CPQ: variants seen among roughly 807,000 people sequenced by gnomAD.
CPQ encodes the protein carboxypeptidase Q.
A neutral mutation model predicts 45.7 loss-of-function variants in CPQ; 37 were observed. That is an observed-to-expected ratio of 0.81 (90% CI 0.62 to 1.07). CPQ has a LOEUF of 1.07. Ranked by LOEUF, CPQ falls within the 50% of genes least tolerant of loss-of-function variation. The pLI is 0.00. For missense variants in CPQ, 537 were observed against 572.9 expected, an observed-to-expected ratio of 0.94 and a Z score of 0.64; for synonymous variants, 186 against 205.8, an observed-to-expected ratio of 0.90 and a Z score of 0.82.
chr8:96,784,814 T>G, intron 1 of CPQ, 50 bp from the exon 2 acceptor site: 1 of 1,350,448 alleles, frequency 7.4e-7, no homozygotes, highest in Non-Finnish European at 1.0e-6. Flanking sequence ...TATGGGCAGA[T>G]AGCTGTGAGA....
At chr8:96,900,584 C>A (rs1371674041) in intron 4 of CPQ, among the ~76,000 whole-genome samples, 1 of 152,178 alleles carries the variant, frequency 6.6e-6, no homozygotes, top group Non-Finnish European at 1.5e-5. Context: ...TCTATTTCCT[C>A]ATGTAGCCAT....
intron 3 of CPQ, among the ~76,000 whole-genome samples, chr8:96,845,257 C>T (rs183443109): frequency 6.6e-6 from 1 of 152,244 alleles, no homozygotes; most frequent in East Asian, 1.9e-4. Context: ...ATCTACCTAC[C>T]TACCTATCTA....
intron 7 of CPQ, 39 bp downstream of exon 7, chr8:97,066,249 C>A: frequency 6.4e-7 from 1 of 1,559,644 alleles, no homozygotes; most frequent in Non-Finnish European, 8.7e-7. Context: ...TTATATATTG[C>A]CAACAATTTA....
chr8:96,657,240 G>A (rs1458397416), intron 1 of CPQ, among the ~76,000 whole-genome samples: 2 of 152,038 alleles, frequency 1.3e-5, no homozygotes, highest in Non-Finnish European at 2.9e-5. Flanking sequence ...AGCTACTCAG[G>A]AGGCTGAGGC....
At chr8:96,688,504 C>T (rs1336581394) in intron 1 of CPQ, among the ~76,000 whole-genome samples, 1 of 152,078 alleles carries the variant, frequency 6.6e-6, no homozygotes, top group Non-Finnish European at 1.5e-5. Flanking sequence ...TGGACTATTT[C>T]TGCTTTGTGG....
chr8:96,992,136 TTTC>T (rs1809105421), intron 5 of CPQ, among the ~76,000 whole-genome samples: 1 of 152,184 alleles, frequency 6.6e-6, no homozygotes, highest in South Asian at 2.1e-4. Context: ...CTTCTATAAT[TTTC>T]TTCTTTGGTT....
intron 4 of CPQ, among the ~76,000 whole-genome samples, chr8:96,908,777 A>AGACACC (rs1812617459): frequency 1.3e-5 from 2 of 150,164 alleles, no homozygotes. Context: ...ACACACACAC[A>AGACACC]CCATATATTC....
At chr8:96,900,249 GC>G (rs1416729883) in intron 4 of CPQ, among the ~76,000 whole-genome samples, 2 of 152,138 alleles carry the variant, frequency 1.3e-5, no homozygotes, top group African/African-American at 2.4e-5. Flanking sequence ...AGTTAACAAT[GC>G]CCCCACTAAC....
chr8:97,048,961 GA>G (rs1222946811), intron 6 of CPQ, among the ~76,000 whole-genome samples: 12 of 151,684 alleles, frequency 7.9e-5, no homozygotes, highest in African/African-American at 2.4e-4. Context: ...CAAATGAAGG[GA>G]AAAAAAATAT....
At chr8:97,040,599 G>T (rs1488561626) in intron 6 of CPQ, among the ~76,000 whole-genome samples, 1 of 152,302 alleles carries the variant, frequency 6.6e-6, no homozygotes, top group Admixed American at 6.5e-5. Context: ...TTTTCTTCTA[G>T]GGTTGTTATG....
chr8:96,834,317 A>C (rs1224082366), intron 2 of CPQ, among the ~76,000 whole-genome samples: 1 of 152,222 alleles, frequency 6.6e-6, no homozygotes, highest in Non-Finnish European at 1.5e-5. Flanking sequence ...TATTTGAAAA[A>C]TAATGATGTG....
At chr8:97,112,196 T>TAGA (rs1204483323) in intron 7 of CPQ, among the ~76,000 whole-genome samples, 8 of 151,624 alleles carry the variant, frequency 5.3e-5, no homozygotes, top group Non-Finnish European at 1.0e-4. Flanking sequence ...TGGTAAGAAT[T>TAGA]AGAAGTCCAA....
At chr8:96,657,364 G>T (rs901694827) in intron 1 of CPQ, among the ~76,000 whole-genome samples, 1 of 152,122 alleles carries the variant, frequency 6.6e-6, no homozygotes, top group Non-Finnish European at 1.5e-5. Flanking sequence ...TCCTCTCTCT[G>T]TGTGTCACCA....
At chr8:97,079,065 A>G (rs1810904455) in intron 7 of CPQ, among the ~76,000 whole-genome samples, 2 of 152,108 alleles carry the variant, frequency 1.3e-5, no homozygotes, top group Non-Finnish European at 2.9e-5. Context: ...CGGCTGCCCA[A>G]AGTGCTGAGA....
chr8:96,886,738 C>G (rs190322339), intron 4 of CPQ, among the ~76,000 whole-genome samples: 171 of 152,250 alleles, frequency 1.1e-3, no homozygotes, highest in Middle Eastern at 6.8e-3. Flanking sequence ...CCTGGGCATG[C>G]CTTAGTTGAA....
intron 7 of CPQ, among the ~76,000 whole-genome samples, chr8:97,132,526 T>G (rs1811974566): frequency 1.3e-5 from 2 of 152,244 alleles, no homozygotes; most frequent in South Asian, 4.1e-4. Flanking sequence ...AAATGTCATC[T>G]CTGCTAAAAC....
chr8:96,826,451 C>A (rs1811379611), intron 2 of CPQ, among the ~76,000 whole-genome samples: 1 of 151,802 alleles, frequency 6.6e-6, no homozygotes, highest in Admixed American at 6.6e-5. Flanking sequence ...TCACAAAAAC[C>A]AAGCTTTAAT....
chr8:96,759,750 G>A (rs534246773), intron 1 of CPQ, among the ~76,000 whole-genome samples: 1 of 152,142 alleles, frequency 6.6e-6, no homozygotes, highest in African/African-American at 2.4e-5. Flanking sequence ...CTGACTAGGA[G>A]CCATGTCCTC....
chr8:97,106,938 G>C (rs1484007914), intron 7 of CPQ, among the ~76,000 whole-genome samples: 1 of 152,180 alleles, frequency 6.6e-6, no homozygotes, highest in Non-Finnish European at 1.5e-5. Flanking sequence ...GGAATATAAA[G>C]TAAAATGAGG....
Sources: gnomAD v4.1 joint callset for allele counts (sites outside exome capture counted in the v4.1 genomes callset) on GRCh38, gnomAD v4.1.1 for gene constraint, MANE v1.5 for transcripts, NCBI Gene and HGNC (gene_info 2026-07-23, HGNC 2026-07-21) for gene names.